The following GPHN variants were observed in gnomAD, a reference collection of about 807,000 sequenced individuals.
GPHN encodes the protein gephyrin.
A neutral mutation model predicts 95.5 loss-of-function variants in GPHN; 17 were observed. The observed-to-expected ratio is 0.18, with a 90% CI of 0.12 to 0.27. The LOEUF (loss-of-function observed/expected upper bound fraction) is 0.27, where lower values mean the gene tolerates loss of function less well. Ranked by LOEUF, GPHN falls within the 10% of genes least tolerant of loss-of-function variation. The pLI, the probability that GPHN is intolerant of heterozygous loss-of-function variation, is 1.00. For missense variants in GPHN, 660 were observed against 978.1 expected (o/e 0.67, Z 4.34); for synonymous variants, 320 against 322.5 (o/e 0.99, Z 0.08).
the GPHN span, chr14:67,569,794 C>A: frequency 2.9e-6 from 2 of 679,574 alleles, no homozygotes; most frequent in Non-Finnish European, 5.4e-6. Context: ...AGGGCCCTGG[C>A]CCCCCTCTTG....
intron 18 of GPHN, among the ~76,000 whole-genome samples, chr14:67,151,101 A>G (rs993190990): frequency 6.6e-6 from 1 of 152,256 alleles, no homozygotes; most frequent in African/African-American, 2.4e-5. Flanking sequence ...ATTTATGAAT[A>G]CCTTACAGAA....
chr14:66,649,082 A>G (rs1396664375), intron 1 of GPHN, among the ~76,000 whole-genome samples: 3 of 152,336 alleles, frequency 2.0e-5, no homozygotes, highest in African/African-American at 7.2e-5. Flanking sequence ...CTGTAATCCT[A>G]GCACTTTGGG....
At chr14:67,270,190 C>A in the GPHN span, 1 of 152,222 alleles carries the variant, frequency 6.6e-6, no homozygotes, top group South Asian at 2.1e-4. Context: ...CAGTCTCAAT[C>A]ATTTGCACTT....
At chr14:66,870,104 G>A (rs1596217352) in intron 4 of GPHN, among the ~76,000 whole-genome samples, 1 of 152,280 alleles carries the variant, frequency 6.6e-6, no homozygotes, top group African/African-American at 2.4e-5. Context: ...AGCTTAAGAG[G>A]AAGAGAAAAT....
chr14:67,585,372 C>G, the GPHN span: 1 of 563,364 alleles, frequency 1.8e-6, no homozygotes, highest in Non-Finnish European at 3.2e-6. Context: ...AGCCCCAAGG[C>G]CAAGGGTCTC....
chr14:67,660,064 A>C, the GPHN span: 1 of 819,374 alleles, frequency 1.2e-6, no homozygotes, highest in South Asian at 1.9e-5. Context: ...GGCAGGGACC[A>C]TGTCTGGCAT....
At chr14:67,526,660 T>C in the GPHN span, among the ~76,000 whole-genome samples, 5 of 152,142 alleles carry the variant, frequency 3.3e-5, no homozygotes, top group African/African-American at 1.2e-4. Flanking sequence ...GACCAAAGCA[T>C]GCAGTGTCAG....
intron 1 of GPHN, among the ~76,000 whole-genome samples, chr14:66,510,655 G>C (rs113013472): frequency 5.3e-4 from 80 of 152,286 alleles, no homozygotes; most frequent in African/African-American, 1.6e-3. Context: ...TACCTGAAGG[G>C]AGAATTTAAT....
intron 1 of GPHN, among the ~76,000 whole-genome samples, chr14:66,604,699 A>T (rs1049424201): frequency 3.9e-5 from 6 of 152,132 alleles, no homozygotes; most frequent in Non-Finnish European, 8.8e-5. Context: ...TATATATTTT[A>T]AAAATAATTT....
intron 2 of GPHN, among the ~76,000 whole-genome samples, chr14:66,756,305 AT>A (rs1162371138): frequency 6.6e-6 from 1 of 152,090 alleles, no homozygotes; most frequent in East Asian, 1.9e-4. Flanking sequence ...GCCCTAACAT[AT>A]TTTTTTAAAT....
At chr14:66,594,547 C>T (rs1167861755) in intron 1 of GPHN, among the ~76,000 whole-genome samples, 3 of 151,988 alleles carry the variant, frequency 2.0e-5, no homozygotes, top group Non-Finnish European at 4.4e-5. Flanking sequence ...GATAAAAACG[C>T]CAAGATCACA....
At chr14:67,426,910 C>G in the GPHN span, among the ~76,000 whole-genome samples, 1 of 152,264 alleles carries the variant, frequency 6.6e-6, no homozygotes, top group South Asian at 2.1e-4. Context: ...TCTGCAGATT[C>G]CTAGGGCTTA....
At chr14:66,623,908 C>G (rs2063415068) in intron 1 of GPHN, among the ~76,000 whole-genome samples, 1 of 152,156 alleles carries the variant, frequency 6.6e-6, no homozygotes. Context: ...CGTAATATTT[C>G]ACCTCCTTGA....
chr14:66,892,195 A>G (rs1366952149), intron 5 of GPHN, among the ~76,000 whole-genome samples: 2 of 152,116 alleles, frequency 1.3e-5, no homozygotes, highest in Non-Finnish European at 1.5e-5. Flanking sequence ...GGCTGAGACA[A>G]CAGGATCACT....
chr14:66,653,800 G>T (rs942915434), intron 1 of GPHN, among the ~76,000 whole-genome samples: 1 of 152,146 alleles, frequency 6.6e-6, no homozygotes, highest in African/African-American at 2.4e-5. Flanking sequence ...CCATGGTATG[G>T]ATGTGCCACA....
intron 2 of GPHN, among the ~76,000 whole-genome samples, chr14:66,751,422 T>C (rs1427047724): frequency 1.3e-5 from 2 of 152,154 alleles, no homozygotes; most frequent in Non-Finnish European, 2.9e-5. Flanking sequence ...GGTTTTTATT[T>C]GCATTTCTCC....
the GPHN span, chr14:67,578,118 C>T: frequency 1.2e-6 from 2 of 1,613,902 alleles, no homozygotes; most frequent in South Asian, 2.2e-5. The surrounding 1 kb of genome is among the most constrained non-coding windows in gnomAD (Gnocchi z 5.0). Flanking sequence ...GCCTGGTTCA[C>T]CCCGAGCTGC....
chr14:67,179,599 G>A lies in GPHN; in HGVS notation c.2101G>A (p.Asp701Asn). 1 of 1,604,752 alleles carries A rather than the reference G, an allele frequency of 6.2e-7. No homozygotes were observed. The highest frequency in any genetic ancestry group is 8.5e-7 in the Non-Finnish European group (1 of 1,171,600). Reference sequence around the variant, plus strand: ...GTAGTTATCATGTGATGTAAAACTTGATCCTCGTCCAGAATACCATCGGTG... The same window carrying A: ...GTAGTTATCATGTGATGTAAAACTTAATCCTCGTCCAGAATACCATCGGTG... The part of the protein sequence containing the change: ...KARLSCDVKL[D>N]PRPEYHRCIL... The change falls in exon 22 of 23, where the codon GAT (aspartate) becomes AAT (asparagine). Residue 701 changes from aspartate (D) to asparagine (N), a missense_variant. Physicochemically the swap from Asp to Asn is conservative, Grantham distance 23. This residue lies in a region of GPHN where 48 missense variants were observed against 137.4 expected (regional missense o/e 0.35). Coordinates refer to ENST00000478722, the MANE Select transcript of GPHN (RefSeq NM_020806.5).
intron 4 of GPHN, among the ~76,000 whole-genome samples, chr14:66,841,624 C>G (rs2062091137): frequency 6.6e-6 from 1 of 152,076 alleles, no homozygotes; most frequent in East Asian, 1.9e-4. Flanking sequence ...TTTCCATTTA[C>G]TGAAATGGAG....
Sources: gnomAD v4.1 joint callset for allele counts (sites outside exome capture counted in the v4.1 genomes callset) on GRCh38, gnomAD v4.1.1 for gene constraint, gnomAD v4.1.1 regional missense constraint, Gnocchi (gnomAD v3.1) non-coding constraint, MANE v1.5 for transcripts, NCBI Gene and HGNC (gene_info 2026-07-23, HGNC 2026-07-21) for gene names.